CADM2: variants seen among roughly 807,000 people sequenced by gnomAD.
The protein encoded by CADM2 is cell adhesion molecule 2.
CADM2 carries 12 observed loss-of-function variants against 49.8 expected under a neutral mutation model. The observed-to-expected ratio is 0.24, with a 90% confidence interval of 0.15 to 0.39. CADM2 has a LOEUF of 0.39. CADM2 is among the 10% of genes least tolerant of loss of function. The pLI is 1.00. For missense variants in CADM2, 378 were observed against 492.3 expected, an observed-to-expected ratio of 0.77 and a Z score of 2.20; for synonymous variants, 214 against 175.4, an observed-to-expected ratio of 1.22 and a Z score of -1.74.
chr3:85,473,489 C>G (rs533895367), intron 1 of CADM2, among the ~76,000 whole-genome samples: 31 of 152,128 alleles, frequency 2.0e-4, no homozygotes, highest in African/African-American at 7.2e-4. Context: ...GTTAAGAAAG[C>G]GTTACAAAGA....
chr3:85,997,773 C>T (rs2108729379), intron 8 of CADM2, among the ~76,000 whole-genome samples: 1 of 152,190 alleles, frequency 6.6e-6, no homozygotes, highest in East Asian at 1.9e-4. Flanking sequence ...ATGAACACAC[C>T]ATCTAGAAAT....
At chr3:85,658,000 C>G (rs565420211) in intron 1 of CADM2, among the ~76,000 whole-genome samples, 14 of 151,996 alleles carry the variant, frequency 9.2e-5, no homozygotes, top group African/African-American at 3.4e-4. Flanking sequence ...TTTGGATTCA[C>G]TTTATTAGGC....
At chr3:85,657,527 G>A (rs9878917) in intron 1 of CADM2, among the ~76,000 whole-genome samples, 119,590 of 151,344 alleles carry the variant, frequency 0.79, 48,092 homozygotes, top group African/African-American at 0.95. Flanking sequence ...TTTTCTATAC[G>A]TATCTTTGTC....
At chr3:85,215,945 A>G (rs2041915307) in intron 1 of CADM2, among the ~76,000 whole-genome samples, 2 of 152,104 alleles carry the variant, frequency 1.3e-5, no homozygotes, top group Admixed American at 6.5e-5. Flanking sequence ...CTGCTAGAGA[A>G]TGAGGGAGGA....
chr3:85,565,622 C>G (rs909181794), intron 1 of CADM2, among the ~76,000 whole-genome samples: 1 of 151,944 alleles, frequency 6.6e-6, no homozygotes, highest in Non-Finnish European at 1.5e-5. Flanking sequence ...TGTCTAGTCT[C>G]TCTAAGAGGA....
chr3:85,329,688 T>C (rs1284955334), intron 1 of CADM2, among the ~76,000 whole-genome samples: 3 of 152,188 alleles, frequency 2.0e-5, no homozygotes, highest in Non-Finnish European at 1.5e-5. Flanking sequence ...TGTATTTATA[T>C]ATGGTAATAT....
At position 85,215,378 on chromosome 3, in the gene CADM2, A is replaced by G. The variant is rs1465247139; in HGVS notation, c.61+255710A>G. On this transcript the variant is annotated intron_variant, in intron 1 of 9. Coordinates refer to ENST00000383699, the MANE Select transcript of CADM2 (RefSeq NM_001167675.2). Reference sequence around the variant, plus strand: ...TTTTTTAAAAAAAAAAAAAAAAAAAAAAAAGAAAAAAACTTTTATTTTAAG... The same window carrying G: ...TTTTTTAAAAAAAAAAAAAAAAAAAGAAAAGAAAAAAACTTTTATTTTAAG... Among the ~76,000 whole-genome samples, 6 of 151,514 alleles carry G rather than the reference A, an allele frequency of 4.0e-5. No individual in the cohort carries two copies. The South Asian group carries it at 6.2e-4, about 16-fold the overall frequency.
intron 1 of CADM2, among the ~76,000 whole-genome samples, chr3:85,622,453 G>A (rs2064003407): frequency 6.6e-6 from 1 of 152,096 alleles, no homozygotes; most frequent in Admixed American, 6.6e-5. Flanking sequence ...TGCTGTTAAT[G>A]AACTTGTGAT....
At chr3:85,672,428 G>A (rs763303579) in intron 1 of CADM2, among the ~76,000 whole-genome samples, 22 of 151,990 alleles carry the variant, frequency 1.4e-4, no homozygotes, top group Non-Finnish European at 2.9e-4. Flanking sequence ...TCCTGACCTT[G>A]TGATCCGCTC....
intron 1 of CADM2, among the ~76,000 whole-genome samples, chr3:85,426,984 C>T (rs1436689046): frequency 7.3e-5 from 11 of 151,606 alleles, no homozygotes; most frequent in Admixed American, 4.0e-4. Context: ...GAGTTCACAC[C>T]TGTTTATCCC....
intron 1 of CADM2, among the ~76,000 whole-genome samples, chr3:85,365,214 T>A (rs1386449079): frequency 6.7e-6 from 1 of 148,288 alleles, no homozygotes; most frequent in African/African-American, 2.5e-5. Context: ...TTTTTTTTTT[T>A]AGATAATTCC....
At chr3:85,025,762 G>A (rs892206575) in intron 1 of CADM2, among the ~76,000 whole-genome samples, 2 of 151,780 alleles carry the variant, frequency 1.3e-5, no homozygotes, top group Non-Finnish European at 2.9e-5. Flanking sequence ...AATAGACGGA[G>A]TTTATATTAA....
chr3:85,451,275 T>A (rs2107568063), intron 1 of CADM2, among the ~76,000 whole-genome samples: 1 of 152,258 alleles, frequency 6.6e-6, no homozygotes, highest in South Asian at 2.1e-4. Context: ...TTAAGAATTG[T>A]TTTTAATTTG....
chr3:85,921,159 A>G (rs548268205), intron 6 of CADM2, among the ~76,000 whole-genome samples: 75 of 152,054 alleles, frequency 4.9e-4, no homozygotes, highest in African/African-American at 1.7e-3. Context: ...GTTAATACCT[A>G]ATATTTTTAA....
intron 7 of CADM2, among the ~76,000 whole-genome samples, chr3:85,957,707 C>CTACA (rs1724228043): frequency 6.6e-6 from 1 of 151,782 alleles, no homozygotes; most frequent in African/African-American, 2.4e-5. Context: ...TACTTCTGAC[C>CTACA]AACTGCCTAC....
chr3:85,698,190 A>G (rs549929217), intron 1 of CADM2, among the ~76,000 whole-genome samples: 6 of 152,314 alleles, frequency 3.9e-5, no homozygotes, highest in African/African-American at 1.4e-4. Flanking sequence ...TTATGGCATC[A>G]GTTGAAATCA....
intron 1 of CADM2, among the ~76,000 whole-genome samples, chr3:85,217,625 G>A (rs1356749685): frequency 1.3e-5 from 2 of 151,978 alleles, no homozygotes; most frequent in African/African-American, 4.8e-5. Flanking sequence ...ATATGAACAT[G>A]ATTTGTTAGC....
intron 1 of CADM2, among the ~76,000 whole-genome samples, chr3:85,302,206 A>G (rs747960512): frequency 3.9e-5 from 6 of 152,058 alleles, no homozygotes; most frequent in Admixed American, 2.6e-4. Flanking sequence ...TTAAGTCTGA[A>G]CAGCCTATTT....
At chr3:85,521,348 G>T (rs993136747) in intron 1 of CADM2, among the ~76,000 whole-genome samples, 4 of 152,046 alleles carry the variant, frequency 2.6e-5, no homozygotes, top group African/African-American at 9.7e-5. Context: ...ATGTATGAAA[G>T]CTTCATAGAT....
Sources: allele counts gnomAD v4.1 joint callset (sites outside exome capture counted in the v4.1 genomes callset), GRCh38; gene constraint gnomAD v4.1.1; transcripts MANE v1.5; gene names NCBI Gene and HGNC (gene_info 2026-07-23, HGNC 2026-07-21).